Variants in ETFDH observed in about 807,000 individuals in gnomAD.
ETFDH encodes the protein electron transfer flavoprotein-ubiquinone oxidoreductase, mitochondrial.
ETFDH carries 61 observed loss-of-function variants against 73.2 expected under a neutral mutation model. That is an observed-to-expected ratio of 0.83 (90% CI 0.68 to 1.03). ETFDH has a LOEUF of 1.03. ETFDH is among the 50% of genes least tolerant of loss of function. The pLI is 0.00. For synonymous variants in ETFDH, 243 were observed against 253.3 expected (o/e 0.96, Z 0.39); for missense variants, 685 against 745.0 (o/e 0.92, Z 0.94).
chr4:158,700,973 G>C (rs550734335), intron 9 of ETFDH: 4 of 152,310 alleles, frequency 2.6e-5, no homozygotes, highest in Non-Finnish European at 5.9e-5. Flanking sequence ...TTTATTTTGA[G>C]CTAACAAATA....
chr4:158,692,372 C>T (rs1487899522), intron 6 of ETFDH, among the ~76,000 whole-genome samples: 3 of 147,168 alleles, frequency 2.0e-5, no homozygotes, highest in Admixed American at 6.9e-5. Context: ...TGCACTCCAG[C>T]CTGGGCTACA....
chr4:158,681,398 CAAA>C (rs1022531476), intron 2 of ETFDH, among the ~76,000 whole-genome samples: 1 of 151,996 alleles, frequency 6.6e-6, no homozygotes, highest in Admixed American at 6.6e-5. Context: ...ACAAGAGAGT[CAAA>C]AAGTTTAAAA....
intron 5 of ETFDH, among the ~76,000 whole-genome samples, chr4:158,689,893 C>T (rs942090052): frequency 2.6e-5 from 4 of 151,842 alleles, no homozygotes; most frequent in Non-Finnish European, 4.4e-5. Context: ...CTTGGTCTGT[C>T]TTCAGCTTCT....
Position 158,709,541 on chromosome 4 carries a change from A to C in ETFDH, c.*1014A>C, listed in dbSNP as rs922634539. ...AGCAAGACTCCATCTCAAAGAAACA[A>C]ACAAAACCACTTTACTTACTGTATT... On this transcript the variant is annotated 3_prime_UTR_variant, in exon 13 of 13. Transcript: ENST00000511912. The C allele has an allele frequency of 1.2e-5, 5 of 426,372 alleles. No individual in the cohort carries two copies. Among genetic ancestry groups the C allele is most frequent in the African/African-American group, 4.1e-5 (2 of 48,354 alleles). The allele number at this position is 426,372 out of a possible 1,614,324, so 26.4% of individuals were successfully genotyped here.
chr4:158,677,608 C>T (rs1456086364), intron 1 of ETFDH, among the ~76,000 whole-genome samples: 2 of 152,152 alleles, frequency 1.3e-5, no homozygotes, highest in African/African-American at 4.8e-5. Flanking sequence ...TTTTGGGGTA[C>T]AATACATTGA....
chr4:158,684,769 C>G, intron 4 of ETFDH, 96 bp downstream of exon 4: 1 of 795,338 alleles, frequency 1.3e-6, no homozygotes, highest in Non-Finnish European at 2.3e-6. Context: ...CAGACAAGAA[C>G]TGAGACCCAG....
In ETFDH at chr4:158,680,603, G is replaced by T. The variant is rs949249162; in HGVS notation, c.171G>T (p.Trp57Cys). The T allele has an allele frequency of 6.8e-6, 11 of 1,609,818 alleles. No homozygotes were observed. Among genetic ancestry groups the T allele is most frequent in the Non-Finnish European group, 9.4e-6 (11 of 1,176,248 alleles). The change falls in exon 2 of 13, where the codon TGG (tryptophan) becomes TGT (cysteine). Residue 57 changes from tryptophan (W) to cysteine (C), a missense_variant. Transcript: ENST00000511912. ...TIYPRDKDKR[W>C]EGVNMERFAE... is the part of the protein sequence containing the mutation. ...ATCCCCGGGATAAGGACAAGAGATG[G>T]GAAGGTAAGTAATAATTTGTGTACA...
chr4:158,695,414 CAT>C, intron 6 of ETFDH, 81 bp from the exon 7 acceptor site: 1 of 1,070,756 alleles, frequency 9.3e-7, no homozygotes, highest in South Asian at 1.4e-5. Flanking sequence ...ACATCTGAAT[CAT>C]AGTTCAATTT....
intron 9 of ETFDH, among the ~76,000 whole-genome samples, chr4:158,702,912 G>A (rs114016749): frequency 0.015 from 2,226 of 152,148 alleles, 43 homozygotes; most frequent in African/African-American, 0.04. Flanking sequence ...TTCCATAATG[G>A]TTGTACTAAT....
rs35381165 is a variant in ETFDH at position 158,708,994 on chromosome 4, G to A, written c.*467G>A. The A allele has an allele frequency of 0.012, 2,043 of 172,218 alleles. 49 individuals are homozygous for A. The highest frequency in any genetic ancestry group is 0.045 in the African/African-American group (1,831 of 40,662). 10.7% of individuals were successfully genotyped at this position (172,218 alleles called of 1,614,324 possible). On this transcript the variant is annotated 3_prime_UTR_variant, in exon 13 of 13. Transcript: ENST00000511912. The stretch of plus-strand genomic sequence containing the variant: ...ACTTTATGATCTGGCCCTTGCAGAA[G>A]AAGTATGCCCATCCCTGAACAAGTT...
chr4:158,706,561 C>A, intron 11 of ETFDH, 68 bp from the exon 12 acceptor site: 1 of 1,366,216 alleles, frequency 7.3e-7, no homozygotes, highest in Non-Finnish European at 1.0e-6. Context: ...AGTTTTTATA[C>A]AAATAGGCTT....
chr4:158,680,979 T>C (rs1280481134), intron 2 of ETFDH, among the ~76,000 whole-genome samples: 8 of 152,228 alleles, frequency 5.3e-5, no homozygotes. Context: ...TACTTGATAA[T>C]AAACGACTGT....
intron 5 of ETFDH, among the ~76,000 whole-genome samples, chr4:158,688,474 AGGAGATCGAGACCAT>A (rs1219217764): frequency 6.6e-6 from 1 of 151,582 alleles, no homozygotes; most frequent in East Asian, 1.9e-4. Context: ...TCACGAGGTC[AGGAGATCGAGACCAT>A]GGGGAAACCC....
chr4:158,685,055 C>A, intron 4 of ETFDH, 46 bp from the exon 5 acceptor site: 2 of 1,106,840 alleles, frequency 1.8e-6, no homozygotes, highest in South Asian at 1.3e-5. Context: ...TTTGTAATGT[C>A]TTATCAATAA....
chr4:158,689,609 TA>T (rs1445033222), intron 5 of ETFDH, among the ~76,000 whole-genome samples: 5 of 92,436 alleles, frequency 5.4e-5, no homozygotes, highest in South Asian at 4.2e-4. Flanking sequence ...TATATATATA[TA>T]TATATATATA....
chr4:158,706,956 T>C, intron 12 of ETFDH, 106 bp downstream of exon 12: 1 of 749,540 alleles, frequency 1.3e-6, no homozygotes, highest in Non-Finnish European at 2.3e-6. Flanking sequence ...CCTTAGAAAT[T>C]GTAAATGACT....
chr4:158,704,802 A>G (rs751159398), intron 10 of ETFDH, among the ~76,000 whole-genome samples: 1 of 152,198 alleles, frequency 6.6e-6, no homozygotes, highest in African/African-American at 2.4e-5. Context: ...TATGCCTTCA[A>G]ATCTTTGTAG....
intron 10 of ETFDH, among the ~76,000 whole-genome samples, chr4:158,704,413 C>T (rs993750234): frequency 6.6e-6 from 1 of 152,114 alleles, no homozygotes; most frequent in African/African-American, 2.4e-5. Context: ...TTTACAGTTC[C>T]CAGAACATGC....
At chr4:158,692,120 G>A (rs973198370) in intron 6 of ETFDH, among the ~76,000 whole-genome samples, 2 of 152,118 alleles carry the variant, frequency 1.3e-5, no homozygotes, top group African/African-American at 2.4e-5. Context: ...GCGGCCCGTC[G>A]CAGTGGCTCA....
Sources: gnomAD v4.1 joint callset for allele counts (sites outside exome capture counted in the v4.1 genomes callset) on GRCh38, gnomAD v4.1.1 for gene constraint, MANE v1.5 for transcripts, NCBI Gene and HGNC (gene_info 2026-07-23, HGNC 2026-07-21) for gene names.